CBFA2T2: variants seen among roughly 807,000 people sequenced by gnomAD.
CBFA2T2 encodes protein CBFA2T2.
A neutral mutation model predicts 62.2 loss-of-function variants in CBFA2T2; 11 were observed. The ratio of observed to expected loss-of-function variants is 0.18; its 90% CI spans 0.11 to 0.29. The LOEUF (loss-of-function observed/expected upper bound fraction) is 0.29, where lower values mean the gene tolerates loss of function less well. CBFA2T2 is among the 10% of genes least tolerant of loss of function. The pLI, the probability that CBFA2T2 is intolerant of heterozygous loss-of-function variation, is 1.00. For missense variants in CBFA2T2, 592 were observed against 774.1 expected (o/e 0.76, Z 2.79); for synonymous variants, 295 against 287.5 (o/e 1.03, Z -0.27).
chr20:33,604,925 A>G (rs763191454), intron 1 of CBFA2T2, among the ~76,000 whole-genome samples: 1 of 152,224 alleles, frequency 6.6e-6, no homozygotes, highest in Non-Finnish European at 1.5e-5. Context: ...AGAAAAGGCA[A>G]GCGCAACAGC....
chr20:33,585,874 A>G (rs183612854), intron 1 of CBFA2T2, among the ~76,000 whole-genome samples: 1 of 152,350 alleles, frequency 6.6e-6, no homozygotes, highest in Admixed American at 6.5e-5. Flanking sequence ...ATCTAGAACT[A>G]TGGCAGAGTG....
At chr20:33,517,316 G>T (rs1328699765) in intron 1 of CBFA2T2, among the ~76,000 whole-genome samples, 1 of 152,142 alleles carries the variant, frequency 6.6e-6, no homozygotes, top group Non-Finnish European at 1.5e-5. Flanking sequence ...AAAGCTTCAG[G>T]TAGATCAAGC....
At chr20:33,505,052 A>G (rs1600905672) in intron 1 of CBFA2T2, among the ~76,000 whole-genome samples, 1 of 152,174 alleles carries the variant, frequency 6.6e-6, no homozygotes, top group Non-Finnish European at 1.5e-5. Flanking sequence ...TAATTTTTAT[A>G]GCAATTAAGG....
intron 4 of CBFA2T2, among the ~76,000 whole-genome samples, chr20:33,621,268 A>G (rs1036538107): frequency 1.5e-5 from 2 of 131,536 alleles, no homozygotes; most frequent in African/African-American, 5.6e-5. Flanking sequence ...TATCTCTATA[A>G]TACCTTTAAT....
At chr20:33,494,251 ATATATATATATATATATATATAT>A (rs1568782986) in intron 1 of CBFA2T2, among the ~76,000 whole-genome samples, 3 of 63,196 alleles carry the variant, frequency 4.7e-5, no homozygotes, top group Non-Finnish European at 8.4e-5. Context: ...GTGTATATAT[ATATATATATATATATATATATAT>A]TTTTTTTTTT....
chr20:33,601,567 G>A (rs1347772875), intron 1 of CBFA2T2, among the ~76,000 whole-genome samples: 2 of 152,052 alleles, frequency 1.3e-5, no homozygotes, highest in African/African-American at 2.4e-5. Flanking sequence ...GCTCAGCCTG[G>A]AGTCTGATTT....
intron 1 of CBFA2T2, among the ~76,000 whole-genome samples, chr20:33,525,927 T>TA (rs2011873475): frequency 6.6e-6 from 1 of 152,248 alleles, no homozygotes; most frequent in South Asian, 2.1e-4. Flanking sequence ...GTGTTGGAAT[T>TA]ACAGGTGTGA....
At position 33,648,504 on chromosome 20, in the gene CBFA2T2, AGTT is replaced by A. The variant is rs771973600; in HGVS notation, c.*3862_*3864del. ...ATCCAGTGGGGAAGGTGACTCAAGA[AGTT>A]GTTTAAGCCTAGGCCTAGGCAGTCC... On this transcript the variant is annotated 3_prime_UTR_variant, in exon 11 of 11. Transcript: ENST00000342704. 3 of 152,122 alleles carry A rather than the reference AGTT, an allele frequency of 2.0e-5. No individual in the cohort carries two copies. Among genetic ancestry groups the A allele is most frequent in the East Asian group, 1.9e-4 (1 of 5,182 alleles). 9.4% of individuals were successfully genotyped at this position (152,122 alleles called of 1,614,324 possible). A position where few individuals can be genotyped will look rare whatever the true frequency, so the allele number is the denominator to read the frequency against.
chr20:33,619,432 TAAA>T (rs113267413), intron 3 of CBFA2T2, 82 bp from the exon 4 acceptor site: 69 of 515,626 alleles, frequency 1.3e-4, no homozygotes, highest in Non-Finnish European at 1.6e-4. Flanking sequence ...TAAATAACAT[TAAA>T]AAAAAAAAAA....
intron 1 of CBFA2T2, among the ~76,000 whole-genome samples, chr20:33,605,810 T>A (rs2015320057): frequency 6.6e-6 from 1 of 151,864 alleles, no homozygotes; most frequent in East Asian, 1.9e-4. Context: ...ATTTAGTACA[T>A]CATTATTAAT....
intron 6 of CBFA2T2, among the ~76,000 whole-genome samples, chr20:33,627,179 T>G (rs1324399319): frequency 6.6e-6 from 1 of 151,988 alleles, no homozygotes; most frequent in Admixed American, 6.6e-5. Flanking sequence ...GGGCGAATCG[T>G]GAGGTCAGGA....
At chr20:33,589,533 G>A (rs2014521510) in intron 1 of CBFA2T2, among the ~76,000 whole-genome samples, 1 of 152,188 alleles carries the variant, frequency 6.6e-6, no homozygotes. Flanking sequence ...CTCTGGAAAC[G>A]AGTAAAGATG....
rs184989445 is a variant in CBFA2T2, at chr20:33,520,999, C to A, written c.34+30698C>A. On this transcript the variant is annotated intron_variant, in intron 1 of 10. Coordinates refer to ENST00000342704, the MANE Select transcript of CBFA2T2 (RefSeq NM_001032999.3). ...ACACACACACACACACACACACACACAATTTTCAGCTGCCATCCTAGATAG... is the reference window on the plus strand; with the variant it reads ...ACACACACACACACACACACACACAAAATTTTCAGCTGCCATCCTAGATAG... Among the ~76,000 whole-genome samples the A allele has an allele frequency of 5.4e-3, 807 of 148,150 alleles. 4 individuals are homozygous for A. Among genetic ancestry groups the A allele is most frequent in the Non-Finnish European group, 8.8e-3 (593 of 67,436 alleles).
intron 1 of CBFA2T2, among the ~76,000 whole-genome samples, chr20:33,513,260 C>G (rs1442692707): frequency 6.6e-6 from 1 of 152,024 alleles, no homozygotes; most frequent in African/African-American, 2.4e-5. Context: ...AATGTTTAAC[C>G]TTTTTGAAGA....
intron 1 of CBFA2T2, among the ~76,000 whole-genome samples, chr20:33,574,840 T>C (rs1278102842): frequency 6.6e-6 from 1 of 152,166 alleles, no homozygotes; most frequent in African/African-American, 2.4e-5. Context: ...GTTTGAATTT[T>C]GGTTGTGTGG....
At chr20:33,561,917 T>A (rs1023778075) in intron 1 of CBFA2T2, among the ~76,000 whole-genome samples, 3 of 152,174 alleles carry the variant, frequency 2.0e-5, no homozygotes, top group African/African-American at 7.2e-5. Flanking sequence ...TACATTTCTG[T>A]TTATATTCCC....
chr20:33,608,407 T>G (rs1042892089), intron 2 of CBFA2T2, among the ~76,000 whole-genome samples: 1 of 152,198 alleles, frequency 6.6e-6, no homozygotes, highest in Non-Finnish European at 1.5e-5. Context: ...AAATTTTTTG[T>G]TTTTTGTGTT....
intron 1 of CBFA2T2, among the ~76,000 whole-genome samples, chr20:33,532,056 G>A (rs1049608975): frequency 6.6e-6 from 1 of 152,162 alleles, no homozygotes; most frequent in Admixed American, 6.6e-5. Context: ...ATAAGCTGCA[G>A]TTACCAGACT....
At position 33,619,510 on chromosome 20, in the gene CBFA2T2, T is replaced by C; in HGVS notation, c.421-7T>C. The C allele has an allele frequency of 6.4e-7, 1 of 1,550,632 alleles. No homozygotes were observed. Among genetic ancestry groups the C allele is most frequent in the South Asian group, 1.2e-5 (1 of 81,200 alleles). On this transcript the variant is annotated splice_region_variant and splice_polypyrimidine_tract_variant and intron_variant, in intron 3 of 10. Coordinates refer to ENST00000342704, the MANE Select transcript of CBFA2T2 (RefSeq NM_001032999.3). ...TGGAAGTTGAACAAGGTTATTTATCTTTTCAGAACTCAACAGTGACAATTG... is the reference window on the plus strand; with the variant it reads ...TGGAAGTTGAACAAGGTTATTTATCCTTTCAGAACTCAACAGTGACAATTG...
Sources: gnomAD v4.1 joint callset for allele counts (sites outside exome capture counted in the v4.1 genomes callset) on GRCh38, gnomAD v4.1.1 for gene constraint, MANE v1.5 for transcripts, NCBI Gene and HGNC (gene_info 2026-07-23, HGNC 2026-07-21) for gene names.